The following ASB18 variants were observed in gnomAD, a reference collection of about 807,000 sequenced individuals.
ASB18 encodes the protein ankyrin repeat and SOCS box protein 18.
ASB18 carries 33 observed loss-of-function variants against 33.4 expected under a neutral mutation model. The observed-to-expected ratio is 0.99, with a 90% CI of 0.75 to 1.32. The LOEUF (loss-of-function observed/expected upper bound fraction) is 1.32, where lower values mean the gene tolerates loss of function less well. Among genes scored for constraint, ASB18 ranks in the 40% most tolerant of loss-of-function variants. The pLI is 0.00. For synonymous variants in ASB18, 295 were observed against 307.6 expected (o/e 0.96, Z 0.43); for missense variants, 694 against 655.5 (o/e 1.06, Z -0.64).
In ASB18 at chr2:236,196,144, C is replaced by A. The variant is rs1037550191; in HGVS notation, c.1215+128G>T. 1 of 710,018 alleles carries A rather than the reference C, an allele frequency of 1.4e-6. No individual in the cohort carries two copies. The highest frequency in any genetic ancestry group is 2.6e-6 in the Non-Finnish European group (1 of 381,264). The allele number at this position is 710,018 out of a possible 1,614,324, so 44.0% of individuals were successfully genotyped here. A position where few individuals can be genotyped will look rare whatever the true frequency, so the allele number is the denominator to read the frequency against. On this transcript the variant is annotated intron_variant, in intron 5 of 5. Transcript: ENST00000409749. This position sits in a 1 kb window ranked among gnomAD's most constrained non-coding sequence, Gnocchi z 5.6. ...AACCAGAAACGTGCAAATACACCCT[C>A]ATTTCCCATTCTTCCTTTTTCAGAT...
rs1480458565 is a variant in ASB18 at position 236,217,147 on chromosome 2, C to A, written c.597-2281G>T. ...GTTGGGCCAGGCGCGGTGGCTCATGCCGGTAATCCCAGCACTTTGGGAGTC... is the reference window on the plus strand; with the variant it reads ...GTTGGGCCAGGCGCGGTGGCTCATGACGGTAATCCCAGCACTTTGGGAGTC... On this transcript the variant is annotated intron_variant, in intron 3 of 5. Coordinates refer to ENST00000409749, the MANE Select transcript of ASB18 (RefSeq NM_212556.4). This position sits in a 1 kb window ranked among gnomAD's most constrained non-coding sequence, Gnocchi z 5.2. 1.3e-5 allele frequency among the ~76,000 whole-genome samples: 2 copies of A among 152,136 alleles called. No individual in the cohort carries two copies. Among genetic ancestry groups the A allele is most frequent in the African/African-American group, 4.8e-5 (2 of 41,426 alleles).
Position 236,215,967 on chromosome 2 carries a change from G to C in ASB18, c.597-1101C>G, listed in dbSNP as rs1043375638. 6.6e-6 allele frequency among the ~76,000 whole-genome samples: 1 copy of C among 152,108 alleles called. No homozygotes were observed. The highest frequency in any genetic ancestry group is 2.4e-5 in the African/African-American group (1 of 41,426). On this transcript the variant is annotated intron_variant, in intron 3 of 5. Coordinates refer to ENST00000409749, the MANE Select transcript of ASB18 (RefSeq NM_212556.4). This position sits in a 1 kb window ranked among gnomAD's most constrained non-coding sequence, Gnocchi z 7.2. The stretch of plus-strand genomic sequence containing the variant: ...TGGAGACCTGAGCCCTGGACCTCTC[G>C]TTTCTCTCTACCCTTCCTGGCTTCA...
At chr2:236,258,166 C>T (rs2060701281) in intron 1 of ASB18, among the ~76,000 whole-genome samples, 1 of 152,184 alleles carries the variant, frequency 6.6e-6, no homozygotes, top group Non-Finnish European at 1.5e-5. Flanking sequence ...CACTGGAGGC[C>T]TTCCTTCGAA....
In ASB18 at chr2:236,231,293, A is replaced by T. The variant is rs756712064; in HGVS notation, c.596+6396T>A. On this transcript the variant is annotated intron_variant, in intron 3 of 5. Transcript: ENST00000409749. The surrounding 1 kb of genome is among the most constrained non-coding windows in gnomAD (Gnocchi z 5.5). ...TCCACATGACAAGTGCTATGGTTTA[A>T]ATGTTTGTGTCCCTCCAAAATTCAT... 1.1e-4 allele frequency among the ~76,000 whole-genome samples: 16 copies of T among 152,174 alleles called. No homozygotes were observed. Among genetic ancestry groups the T allele is most frequent in the Non-Finnish European group, 1.8e-4 (12 of 68,034 alleles).
Position 236,220,371 on chromosome 2 carries a change from G to T in ASB18, c.597-5505C>A, listed in dbSNP as rs1468809809. Reference sequence around the variant, plus strand: ...CCCACCTGTCTCAGCTGCCTGCCAAGCCTCCATGCTCCCTGCATGCTCTGC... The same window carrying T: ...CCCACCTGTCTCAGCTGCCTGCCAATCCTCCATGCTCCCTGCATGCTCTGC... On this transcript the variant is annotated intron_variant, in intron 3 of 5. Transcript: ENST00000409749. The surrounding 1 kb of genome is among the most constrained non-coding windows in gnomAD (Gnocchi z 5.1). Among the ~76,000 whole-genome samples, 1 of 152,110 alleles carries T rather than the reference G, an allele frequency of 6.6e-6. No individual in the cohort carries two copies. Among genetic ancestry groups the T allele is most frequent in the Admixed American group, 6.5e-5 (1 of 15,276 alleles).
chr2:236,207,148 C>T (rs893374744), intron 4 of ASB18, among the ~76,000 whole-genome samples: 1 of 152,248 alleles, frequency 6.6e-6, no homozygotes, highest in African/African-American at 2.4e-5. Context: ...TTCCCTTTCC[C>T]CCTGTCACCC....
chr2:236,237,662 G>A lies in ASB18; in HGVS notation c.596+27C>T. On this transcript the variant is annotated intron_variant, in intron 3 of 5. Transcript: ENST00000409749. The surrounding 1 kb of genome is among the most constrained non-coding windows in gnomAD (Gnocchi z 6.2). ...CGTCTGGTCTCGGGGCGGGGCGGAC[G>A]CCGCGGGCCTGTCCCGAGGTCCTTA... 4 of 1,370,124 alleles carry A rather than the reference G, an allele frequency of 2.9e-6. No individual in the cohort carries two copies. Among genetic ancestry groups the A allele is most frequent in the South Asian group, 1.6e-5 (1 of 61,000 alleles). The allele number at this position is 1,370,124 out of a possible 1,614,324, so 84.9% of individuals were successfully genotyped here.
At position 236,257,664 on chromosome 2, in the gene ASB18, A is replaced by T. The variant is rs144401296; in HGVS notation, c.205+6477T>A. Among the ~76,000 whole-genome samples, 2 of 152,314 alleles carry T rather than the reference A, an allele frequency of 1.3e-5. No individual in the cohort carries two copies. The highest frequency in any genetic ancestry group is 3.9e-4 in the East Asian group (2 of 5,186). ...AATGTCTCTGGGTGGGTAGGCAGCA[A>T]GAGCCCCTGACTACAAGTCAGGAAG... On this transcript the variant is annotated intron_variant, in intron 1 of 5. Coordinates refer to ENST00000409749, the MANE Select transcript of ASB18 (RefSeq NM_212556.4). This position sits in a 1 kb window ranked among gnomAD's most constrained non-coding sequence, Gnocchi z 5.5.
chr2:236,195,574 G>A lies in ASB18; in HGVS notation c.1216-517C>T, dbSNP rs1332257960. On this transcript the variant is annotated intron_variant, in intron 5 of 5. Transcript: ENST00000409749. This position sits in a 1 kb window ranked among gnomAD's most constrained non-coding sequence, Gnocchi z 5.5. ...TCTGTCACCCAGGCTGGAGTGCAGTGGCGTGATCCCAGCTTATTGCACTCT... is the reference window on the plus strand; with the variant it reads ...TCTGTCACCCAGGCTGGAGTGCAGTAGCGTGATCCCAGCTTATTGCACTCT... Among the ~76,000 whole-genome samples the A allele has an allele frequency of 6.6e-6, 1 of 151,116 alleles. No homozygotes were observed. Among genetic ancestry groups the A allele is most frequent in the Non-Finnish European group, 1.5e-5 (1 of 67,870 alleles).
In ASB18 at chr2:236,226,192, G is replaced by A. The variant is rs1403886103; in HGVS notation, c.597-11326C>T. Among the ~76,000 whole-genome samples, 4 of 152,158 alleles carry A rather than the reference G, an allele frequency of 2.6e-5. No homozygotes were observed. Among genetic ancestry groups the A allele is most frequent in the African/African-American group, 9.7e-5 (4 of 41,440 alleles). On this transcript the variant is annotated intron_variant, in intron 3 of 5. Transcript: ENST00000409749. This position sits in a 1 kb window ranked among gnomAD's most constrained non-coding sequence, Gnocchi z 4.8. The stretch of plus-strand genomic sequence containing the variant: ...TAACTTTTTATCCTTCAAGGTAGTT[G>A]GCTGTGTTATTGTAGAGGTGTTCAA...
intron 2 of ASB18, among the ~76,000 whole-genome samples, chr2:236,240,945 CTT>C (rs1044944557): frequency 5.3e-5 from 8 of 152,182 alleles, no homozygotes; most frequent in Admixed American, 1.3e-4. Flanking sequence ...GAAGGAGAGA[CTT>C]TCCTTCTTCA....
At position 236,225,592 on chromosome 2, in the gene ASB18, G is replaced by T. The variant is rs1004932913; in HGVS notation, c.597-10726C>A. On this transcript the variant is annotated intron_variant, in intron 3 of 5. Coordinates refer to ENST00000409749, the MANE Select transcript of ASB18 (RefSeq NM_212556.4). The surrounding 1 kb of genome is among the most constrained non-coding windows in gnomAD (Gnocchi z 5.1). Reference sequence around the variant, plus strand: ...ATTCTTTTCTTATTTTAATTATCTCGAATAAAAAGGGTCAAGGAGAGGAAT... The same window carrying T: ...ATTCTTTTCTTATTTTAATTATCTCTAATAAAAAGGGTCAAGGAGAGGAAT... Among the ~76,000 whole-genome samples the T allele has an allele frequency of 1.3e-5, 2 of 152,052 alleles. No homozygotes were observed. Among genetic ancestry groups the T allele is most frequent in the African/African-American group, 4.8e-5 (2 of 41,398 alleles).
In ASB18 at chr2:236,213,329, A is replaced by C. The variant is rs2060467806; in HGVS notation, c.1101+1033T>G. Among the ~76,000 whole-genome samples the C allele has an allele frequency of 6.6e-6, 1 of 152,090 alleles. No individual in the cohort carries two copies. ...TCTACTCTGAACGCATCTATAATGG[A>C]AAGTTAGCATTTGAGAGAAATGAGT... On this transcript the variant is annotated intron_variant, in intron 4 of 5. Transcript: ENST00000409749. This position sits in a 1 kb window ranked among gnomAD's most constrained non-coding sequence, Gnocchi z 4.8.
rs2106282186 is a variant in ASB18, at chr2:236,245,422, G to C, written c.206-4020C>G. ...AGCCAGTGCCCAAGCACCTTCCCGT[G>C]AGTAAAAGGGCTTCCTACCTTGCCC... On this transcript the variant is annotated intron_variant, in intron 1 of 5. Coordinates refer to ENST00000409749, the MANE Select transcript of ASB18 (RefSeq NM_212556.4). This position sits in a 1 kb window ranked among gnomAD's most constrained non-coding sequence, Gnocchi z 4.7. 6.6e-6 allele frequency among the ~76,000 whole-genome samples: 1 copy of C among 152,324 alleles called. No individual in the cohort carries two copies. The highest frequency in any genetic ancestry group is 2.1e-4 in the South Asian group (1 of 4,828).
At position 236,239,141 on chromosome 2, in the gene ASB18, T is replaced by G. The variant is rs1248902087; in HGVS notation, c.329-1185A>C. Among the ~76,000 whole-genome samples the G allele has an allele frequency of 6.6e-6, 1 of 152,208 alleles. No individual in the cohort carries two copies. Among genetic ancestry groups the G allele is most frequent in the Non-Finnish European group, 1.5e-5 (1 of 68,032 alleles). ...TCGGATCTGGAGGGGGTGATGGATG[T>G]AGTCTATCTACATTGTTATCCCCGT... On this transcript the variant is annotated intron_variant, in intron 2 of 5. Transcript: ENST00000409749. The surrounding 1 kb of genome is among the most constrained non-coding windows in gnomAD (Gnocchi z 5.6).
rs1374682300 is a variant in ASB18, at chr2:236,226,241, T to G, written c.597-11375A>C. 6.6e-6 allele frequency among the ~76,000 whole-genome samples: 1 copy of G among 152,220 alleles called. No individual in the cohort carries two copies. The highest frequency in any genetic ancestry group is 2.4e-5 in the African/African-American group (1 of 41,462). On this transcript the variant is annotated intron_variant, in intron 3 of 5. Coordinates refer to ENST00000409749, the MANE Select transcript of ASB18 (RefSeq NM_212556.4). This position sits in a 1 kb window ranked among gnomAD's most constrained non-coding sequence, Gnocchi z 4.8. ...AATGGGACCTGCCAGCATATTCCAT[T>G]ATCATCATTGATATTGAAGGGATTC...
In ASB18 at chr2:236,238,281, A is replaced by G. The variant is rs1041523638; in HGVS notation, c.329-325T>C. Among the ~76,000 whole-genome samples the G allele has an allele frequency of 6.6e-6, 1 of 152,062 alleles. No individual in the cohort carries two copies. The highest frequency in any genetic ancestry group is 2.4e-5 in the African/African-American group (1 of 41,390). ...GTGACTGGGAAATGGGGTCAGTTAAAAGCTGTCCAAGCAGGGTGCACGGTA... is the reference window on the plus strand; with the variant it reads ...GTGACTGGGAAATGGGGTCAGTTAAGAGCTGTCCAAGCAGGGTGCACGGTA... On this transcript the variant is annotated intron_variant, in intron 2 of 5. Transcript: ENST00000409749. This position sits in a 1 kb window ranked among gnomAD's most constrained non-coding sequence, Gnocchi z 5.2.
intron 1 of ASB18, among the ~76,000 whole-genome samples, chr2:236,247,162 A>G (rs917714781): frequency 7.0e-6 from 1 of 143,562 alleles, no homozygotes; most frequent in Non-Finnish European, 1.5e-5. Flanking sequence ...CGTTAAAAAT[A>G]GCTCATGGTA....
Position 236,259,265 on chromosome 2 carries a change from G to T in ASB18, c.205+4876C>A, listed in dbSNP as rs141285704. ...TGGAAATGCAGTCTGTGCCCACCCA[G>T]CTGAAGGTGAGCAAAGGAGCTTAGC... On this transcript the variant is annotated intron_variant, in intron 1 of 5. Coordinates refer to ENST00000409749, the MANE Select transcript of ASB18 (RefSeq NM_212556.4). The surrounding 1 kb of genome is among the most constrained non-coding windows in gnomAD (Gnocchi z 4.4). Among the ~76,000 whole-genome samples the T allele has an allele frequency of 6.6e-6, 1 of 152,228 alleles. No homozygotes were observed. The highest frequency in any genetic ancestry group is 6.5e-5 in the Admixed American group (1 of 15,288).
Sources: allele counts gnomAD v4.1 joint callset (sites outside exome capture counted in the v4.1 genomes callset), GRCh38; gene constraint gnomAD v4.1.1; non-coding constraint Gnocchi (gnomAD v3.1); transcripts MANE v1.5; gene names NCBI Gene and HGNC (gene_info 2026-07-23, HGNC 2026-07-21).